The following C1orf87 variants were observed in gnomAD, a reference collection of about 807,000 sequenced individuals.
The protein encoded by C1orf87 is chromosome 1 open reading frame 87.
Under a neutral mutation model 60.5 loss-of-function variants are expected in C1orf87, and 58 were observed. That is an observed-to-expected ratio of 0.96 (90% CI 0.78 to 1.19). The LOEUF (loss-of-function observed/expected upper bound fraction) is 1.19. C1orf87 is among the 50% of genes most tolerant of loss of function. C1orf87 has a pLI of 0.00. For synonymous variants in C1orf87, 236 were observed against 227.4 expected, an observed-to-expected ratio of 1.04 and a Z score of -0.34; for missense variants, 673 against 638.6, an observed-to-expected ratio of 1.05 and a Z score of -0.58.
intron 2 of C1orf87, 85 bp downstream of exon 2, chr1:60,072,452 T>G: frequency 9.1e-7 from 1 of 1,097,582 alleles, no homozygotes; most frequent in Non-Finnish European, 1.3e-6. Flanking sequence ...TGGCATTTTT[T>G]AAGTTTAAAT....
chr1:60,010,470 G>T lies in C1orf87; in HGVS notation c.1128-14C>A. On this transcript the variant is annotated splice_polypyrimidine_tract_variant and intron_variant, in intron 8 of 11. Coordinates refer to ENST00000371201, the MANE Select transcript of C1orf87 (RefSeq NM_152377.3). ...AAATTCTGCCATCTGTGCAAGAAAA[G>T]GAAACATAAATTGGTGATCAATATG... 6.2e-7 allele frequency: 1 copy of T among 1,610,074 alleles called. No homozygotes were observed. Among genetic ancestry groups the T allele is most frequent in the South Asian group, 1.1e-5 (1 of 90,922 alleles).
intron 2 of C1orf87, among the ~76,000 whole-genome samples, chr1:60,066,983 C>T (rs539562988): frequency 6.6e-6 from 1 of 152,250 alleles, no homozygotes; most frequent in East Asian, 1.9e-4. Context: ...CCAGCTTCAT[C>T]CATGTCCCTG....
rs557668083 is a variant in C1orf87, at chr1:60,032,729, C to T, written c.1029+747G>A. The stretch of plus-strand genomic sequence containing the variant: ...GCTGGGTTACAGGCATGAGCCACCA[C>T]GCCTGGCGAGACTCAGTTTTAAAAA... On this transcript the variant is annotated intron_variant, in intron 7 of 11. Coordinates refer to ENST00000371201, the MANE Select transcript of C1orf87 (RefSeq NM_152377.3). 2.6e-4 allele frequency among the ~76,000 whole-genome samples: 39 copies of T among 152,198 alleles called. No individual in the cohort carries two copies. The South Asian group carries it at 3.9e-3, about 15-fold the overall frequency.
At chr1:60,021,308 C>A (rs1188093064) in intron 8 of C1orf87, among the ~76,000 whole-genome samples, 1 of 152,140 alleles carries the variant, frequency 6.6e-6, no homozygotes, top group African/African-American at 2.4e-5. Flanking sequence ...AATAGTCATG[C>A]CCCTTGCTAG....
At chr1:60,056,517 T>C (rs1645457895) in intron 2 of C1orf87, among the ~76,000 whole-genome samples, 1 of 152,194 alleles carries the variant, frequency 6.6e-6, no homozygotes, top group Admixed American at 6.5e-5. Flanking sequence ...ATTAAAATAG[T>C]TATGAATAAT....
At chr1:60,007,675 T>A (rs536318132) in intron 9 of C1orf87, among the ~76,000 whole-genome samples, 1 of 152,056 alleles carries the variant, frequency 6.6e-6, no homozygotes, top group Non-Finnish European at 1.5e-5. Context: ...AATCTTCTAG[T>A]TATTCTTGCC....
At chr1:60,065,266 C>T (rs535924628) in intron 2 of C1orf87, among the ~76,000 whole-genome samples, 1 of 151,202 alleles carries the variant, frequency 6.6e-6, no homozygotes, top group African/African-American at 2.4e-5. Flanking sequence ...TAGTTGCAGC[C>T]TCTTTTTCTT....
intron 2 of C1orf87, among the ~76,000 whole-genome samples, chr1:60,059,176 C>T (rs1645477515): frequency 6.6e-6 from 1 of 152,166 alleles, no homozygotes; most frequent in South Asian, 2.1e-4. Flanking sequence ...AACAATTTGT[C>T]AACACGCATT....
intron 8 of C1orf87, among the ~76,000 whole-genome samples, chr1:60,024,786 C>A (rs713567): frequency 7.9e-5 from 12 of 152,130 alleles, no homozygotes; most frequent in Admixed American, 2.0e-4. Flanking sequence ...GCTTGCCGTT[C>A]GATGTCTGAG....
At chr1:60,015,301 T>C (rs1423575345) in intron 8 of C1orf87, among the ~76,000 whole-genome samples, 1 of 152,162 alleles carries the variant, frequency 6.6e-6, no homozygotes, top group African/African-American at 2.4e-5. Context: ...CACCTGTCTC[T>C]AAGGAAGTGG....
intron 9 of C1orf87, among the ~76,000 whole-genome samples, chr1:60,003,034 T>C (rs1272156206): frequency 3.3e-5 from 5 of 150,882 alleles, no homozygotes; most frequent in African/African-American, 1.2e-4. Flanking sequence ...ATGTTTATTG[T>C]GGCATTATTC....
intron 4 of C1orf87, 118 bp downstream of exon 4, chr1:60,040,873 G>T: frequency 8.7e-7 from 1 of 1,145,036 alleles, no homozygotes; most frequent in Non-Finnish European, 1.2e-6. Context: ...CATTACAGGT[G>T]TAAGCCACTA....
At chr1:60,067,051 G>C (rs1042622407) in intron 2 of C1orf87, among the ~76,000 whole-genome samples, 1 of 152,146 alleles carries the variant, frequency 6.6e-6, no homozygotes, top group African/African-American at 2.4e-5. Flanking sequence ...GTGTATATGT[G>C]CCACATTTTC....
intron 10 of C1orf87, 113 bp downstream of exon 10, chr1:60,000,964 A>G: frequency 1.2e-6 from 1 of 843,472 alleles, no homozygotes; most frequent in Non-Finnish European, 1.9e-6. Flanking sequence ...GTCTGACATC[A>G]AGGGTTTGGG....
Position 60,016,182 on chromosome 1 carries a change from C to A in C1orf87, c.1128-5726G>T, listed in dbSNP as rs1393325615. ...CTAACAGAAGTAAGAGTCAAAGAAG[C>A]CTAACTTTTGAGAGTAATTTATGTA... On this transcript the variant is annotated intron_variant, in intron 8 of 11. Transcript: ENST00000371201. Among the ~76,000 whole-genome samples the A allele has an allele frequency of 2.0e-5, 3 of 152,284 alleles. No individual in the cohort carries two copies. In the East Asian group the frequency reaches 5.8e-4, roughly 29 times the overall value.
In C1orf87 at chr1:60,067,559, GGTTTT is replaced by G. The variant is rs990926876; in HGVS notation, c.107+4973_107+4977del. 6.0e-5 allele frequency among the ~76,000 whole-genome samples: 8 copies of G among 133,068 alleles called. No individual in the cohort carries two copies. In the South Asian group the frequency reaches 7.4e-4, roughly 12 times the overall value. The allele number at this position is 133,068 out of a possible 152,430, so 87.3% of individuals were successfully genotyped here. ...ATATCTTTTGCCCACTTTTTGATGG[GGTTTT>G]TTTTTTTTTTTTTTTTTTGGTAAAT... On this transcript the variant is annotated intron_variant, in intron 2 of 11. Transcript: ENST00000371201.
chr1:60,030,188 A>G (rs1226868026), intron 7 of C1orf87, among the ~76,000 whole-genome samples: 1 of 152,242 alleles, frequency 6.6e-6, no homozygotes, highest in Non-Finnish European at 1.5e-5. Context: ...CACAATGCCC[A>G]GAACATATTG....
At chr1:60,044,234 G>T (rs913968430) in intron 3 of C1orf87, among the ~76,000 whole-genome samples, 1 of 152,214 alleles carries the variant, frequency 6.6e-6, no homozygotes, top group Admixed American at 6.5e-5. Context: ...GTTTCACCGT[G>T]TTAGCCAGGA....
At position 60,000,412 on chromosome 1, in the gene C1orf87, G is replaced by A. The variant is rs1012316305; in HGVS notation, c.1272+665C>T. Among the ~76,000 whole-genome samples the A allele has an allele frequency of 2.6e-5, 4 of 152,136 alleles. No individual in the cohort carries two copies. In the East Asian group the frequency reaches 5.8e-4, roughly 22 times the overall value. On this transcript the variant is annotated intron_variant, in intron 10 of 11. Transcript: ENST00000371201. ...TTGTTTCTTGCATGGCAAGAGGCTT[G>A]CCAAAATGGGTACTATTTTCTAAAA...
Sources: allele counts gnomAD v4.1 joint callset (sites outside exome capture counted in the v4.1 genomes callset), GRCh38; gene constraint gnomAD v4.1.1; transcripts MANE v1.5; gene names NCBI Gene and HGNC (gene_info 2026-07-23, HGNC 2026-07-21).